Variants in NOL4L observed in about 807,000 individuals in gnomAD.
NOL4L encodes nucleolar protein 4 like.
In NOL4L, 7 loss-of-function variants were observed where a neutral mutation model predicts 64.5. That is an observed-to-expected ratio of 0.11 (90% confidence interval 0.06 to 0.20). NOL4L has a LOEUF of 0.20. Among genes scored for constraint, NOL4L ranks in the 10% least tolerant of loss-of-function variants. The probability of loss-of-function intolerance (pLI) is 1.00; values close to 1 mark genes in which losing one functional copy is unlikely to be tolerated. For missense variants in NOL4L, 680 were observed against 967.1 expected, an observed-to-expected ratio of 0.70 and a Z score of 3.94; for synonymous variants, 413 against 401.0, an observed-to-expected ratio of 1.03 and a Z score of -0.36.
intron 1 of NOL4L, among the ~76,000 whole-genome samples, chr20:32,534,181 C>T (rs903034137): frequency 2.6e-5 from 4 of 152,164 alleles, no homozygotes; most frequent in South Asian, 2.1e-4. Context: ...GGCTAAATAG[C>T]GGAGACATTT....
intron 1 of NOL4L, among the ~76,000 whole-genome samples, chr20:32,561,681 C>T (rs983528970): frequency 4.6e-5 from 7 of 152,192 alleles, no homozygotes; most frequent in African/African-American, 1.4e-4. Flanking sequence ...ACAGTGAGGA[C>T]TCTGGGGTCA....
At chr20:32,452,780 C>A in intron 9 of NOL4L, 104 bp downstream of exon 9, 1 of 1,534,430 alleles carries the variant, frequency 6.5e-7, no homozygotes. Flanking sequence ...CTCTGCCCTT[C>A]TCCCGACTGT....
At chr20:32,490,307 C>T (rs2016416698) in intron 4 of NOL4L, among the ~76,000 whole-genome samples, 1 of 151,834 alleles carries the variant, frequency 6.6e-6, no homozygotes, top group Non-Finnish European at 1.5e-5. Context: ...CTAGGTACAG[C>T]ATATTTATGG....
intron 1 of NOL4L, among the ~76,000 whole-genome samples, chr20:32,577,707 TG>T (rs1394142525): frequency 6.6e-6 from 1 of 152,214 alleles, no homozygotes; most frequent in Non-Finnish European, 1.5e-5. Flanking sequence ...AAGCCTTCTC[TG>T]TTCAATTCAA....
At chr20:32,493,978 C>T (rs776207172) in intron 4 of NOL4L, among the ~76,000 whole-genome samples, 8 of 152,126 alleles carry the variant, frequency 5.3e-5, no homozygotes, top group East Asian at 1.9e-4. Flanking sequence ...ACTGGCTAGG[C>T]GCAGTGGCTC....
chr20:32,534,316 G>A (rs2018442326), intron 1 of NOL4L, among the ~76,000 whole-genome samples: 1 of 152,184 alleles, frequency 6.6e-6, no homozygotes, highest in East Asian at 1.9e-4. Context: ...GCTATTGGAC[G>A]AGAAAGTCAG....
At chr20:32,497,030 A>G (rs372889854) in intron 4 of NOL4L, among the ~76,000 whole-genome samples, 15 of 147,260 alleles carry the variant, frequency 1.0e-4, no homozygotes, top group African/African-American at 3.9e-4. Context: ...ACAAATTCAC[A>G]AAGCAATACT....
chr20:32,472,563 AGCACCTTCAAGAGG>A (rs2015099741), intron 5 of NOL4L, among the ~76,000 whole-genome samples: 1 of 152,186 alleles, frequency 6.6e-6, no homozygotes, highest in African/African-American at 2.4e-5. Flanking sequence ...CTGCACCGTG[AGCACCTTCAAGAGG>A]GGCTGGTTGT....
chr20:32,540,137 C>A (rs181267707), intron 1 of NOL4L, among the ~76,000 whole-genome samples: 46 of 152,190 alleles, frequency 3.0e-4, no homozygotes, highest in Non-Finnish European at 6.2e-4. Flanking sequence ...GGACTCTGAC[C>A]CCTTCGCCTC....
chr20:32,537,388 A>T (rs2018565172), intron 1 of NOL4L, among the ~76,000 whole-genome samples: 1 of 152,302 alleles, frequency 6.6e-6, no homozygotes, highest in South Asian at 2.1e-4. Flanking sequence ...CAAAACAGTC[A>T]CACTGGTGGC....
chr20:32,450,990 G>T (rs1303515043), intron 10 of NOL4L, among the ~76,000 whole-genome samples: 2 of 152,200 alleles, frequency 1.3e-5, no homozygotes, highest in South Asian at 2.1e-4. Flanking sequence ...GTTCTGGGGG[G>T]TGGCGGGGGT....
Position 32,525,332 on chromosome 20 carries a change from CAA to C in NOL4L, c.477+2424_477+2425del, listed in dbSNP as rs1215490348. 1.6e-4 allele frequency among the ~76,000 whole-genome samples: 24 copies of C among 152,326 alleles called. No individual in the cohort carries two copies. The East Asian group carries it at 4.6e-3, about 29-fold the overall frequency. Reference sequence around the variant, plus strand: ...TCCAGCCCATCCGCCTGGACAACAGCAAGTCATAGGGCTTACTAGCTGACCAC... The same window carrying C: ...TCCAGCCCATCCGCCTGGACAACAGCGTCATAGGGCTTACTAGCTGACCAC... On this transcript the variant is annotated intron_variant, in intron 2 of 10. Coordinates refer to ENST00000621426, the MANE Select transcript of NOL4L (RefSeq NM_001256798.2).
intron 1 of NOL4L, among the ~76,000 whole-genome samples, chr20:32,543,109 G>A (rs892350932): frequency 2.0e-5 from 3 of 152,152 alleles, no homozygotes; most frequent in African/African-American, 7.2e-5. Flanking sequence ...AAGCCACCAC[G>A]GAGCTCAGCT....
In NOL4L at chr20:32,445,440, G is replaced by A. The variant is rs2012287037; in HGVS notation, c.*2156C>T. Reference sequence around the variant, plus strand: ...AACTGATACCAGGAATTCTAGGGTGGCGATTGTCTCTGCCAGGTTTTAACA... The same window carrying A: ...AACTGATACCAGGAATTCTAGGGTGACGATTGTCTCTGCCAGGTTTTAACA... On this transcript the variant is annotated 3_prime_UTR_variant, in exon 11 of 11. Transcript: ENST00000621426. 1.3e-5 allele frequency: 2 copies of A among 151,998 alleles called. No homozygotes were observed. The highest frequency in any genetic ancestry group is 6.5e-5 in the Admixed American group (1 of 15,302). The allele number at this position is 151,998 out of a possible 1,614,324, so 9.4% of individuals were successfully genotyped here. A position where few individuals can be genotyped will look rare whatever the true frequency, so the allele number is the denominator to read the frequency against.
At chr20:32,563,513 G>A (rs1568715718) in intron 1 of NOL4L, among the ~76,000 whole-genome samples, 2 of 152,000 alleles carry the variant, frequency 1.3e-5, no homozygotes, top group South Asian at 2.1e-4. Flanking sequence ...CACTGCCTGC[G>A]CTGCTCAGGT....
chr20:32,522,536 G>C (rs1025469241), intron 2 of NOL4L, among the ~76,000 whole-genome samples: 27 of 152,232 alleles, frequency 1.8e-4, no homozygotes, highest in African/African-American at 6.3e-4. Flanking sequence ...CTCTACCCCT[G>C]GAGAGGGAGC....
chr20:32,456,306 G>T lies in NOL4L; in HGVS notation c.931C>A (p.Pro311Thr). The change falls in exon 6 of 11, where the codon CCC becomes ACC. Residue 311 changes from proline (P) to threonine (T), a missense_variant. By Grantham distance (38) the Pro-to-Thr change is conservative (BLOSUM62 -1). Coordinates refer to ENST00000621426, the MANE Select transcript of NOL4L (RefSeq NM_001256798.2). The stretch of plus-strand genomic sequence containing the variant: ...ACGGCGCCGTTGCCATTCATCTCGG[G>T]GAAGGCAGGGTCGCCCTGCGTGCTG... ...SSSTQGDPAF[P>T]EMNGNGAVAP... The T allele has an allele frequency of 1.9e-6, 3 of 1,579,546 alleles. No homozygotes were observed. The highest frequency in any genetic ancestry group is 2.6e-6 in the Non-Finnish European group (3 of 1,160,028).
In NOL4L at chr20:32,529,353, C is replaced by T. The variant is rs181854412; in HGVS notation, c.322-1440G>A. Among the ~76,000 whole-genome samples the T allele has an allele frequency of 4.6e-3, 698 of 152,308 alleles. 2 individuals are homozygous for T. Among genetic ancestry groups the T allele is most frequent in the Non-Finnish European group, 6.9e-3 (471 of 68,028 alleles). ...AAGTGCTTTGCAGTTCACCATGTTTCCCCCAGGTATGAGAGAGCCGAACAC... is the reference window on the plus strand; with the variant it reads ...AAGTGCTTTGCAGTTCACCATGTTTTCCCCAGGTATGAGAGAGCCGAACAC... On this transcript the variant is annotated intron_variant, in intron 1 of 10. Transcript: ENST00000621426.
At chr20:32,583,637 G>T in intron 1 of NOL4L, among the ~76,000 whole-genome samples, 1 of 149,980 alleles carries the variant, frequency 6.7e-6, no homozygotes, top group East Asian at 2.0e-4. Flanking sequence ...CAGCGCCCCG[G>T]GAGCGGCCGC....
Sources: allele counts gnomAD v4.1 joint callset (sites outside exome capture counted in the v4.1 genomes callset), GRCh38; gene constraint gnomAD v4.1.1; transcripts MANE v1.5; gene names NCBI Gene and HGNC (gene_info 2026-07-23, HGNC 2026-07-21).